The following CD2AP variants were observed in gnomAD, a reference collection of about 807,000 sequenced individuals.
The protein encoded by CD2AP is CD2-associated protein.
A neutral mutation model predicts 85.1 loss-of-function variants in CD2AP; 46 were observed. The observed-to-expected ratio is 0.54, with a 90% confidence interval of 0.43 to 0.69. The LOEUF is 0.69. CD2AP is among the 30% of genes least tolerant of loss of function. CD2AP has a pLI of 0.00. For missense variants in CD2AP, 769 were observed against 729.5 expected, an observed-to-expected ratio of 1.05 and a Z score of -0.62; for synonymous variants, 255 against 252.9, an observed-to-expected ratio of 1.01 and a Z score of -0.08.
intron 5 of CD2AP, among the ~76,000 whole-genome samples, chr6:47,561,987 T>C (rs779677962): frequency 1.5e-4 from 23 of 152,138 alleles, no homozygotes; most frequent in Admixed American, 1.5e-3. Flanking sequence ...GCCAAGATGG[T>C]CTCAATGACC....
chr6:47,486,928 A>C (rs570498061), intron 1 of CD2AP, among the ~76,000 whole-genome samples: 1 of 152,148 alleles, frequency 6.6e-6, no homozygotes, highest in Non-Finnish European at 1.5e-5. Flanking sequence ...TGGTCTTTTA[A>C]ATGTATATAC....
rs142313825 is a variant in CD2AP at position 47,572,813 on chromosome 6, A to G, written c.542-1251A>G. 4.2e-3 allele frequency among the ~76,000 whole-genome samples: 633 copies of G among 152,336 alleles called. 2 individuals carry two copies. The highest frequency in any genetic ancestry group is 0.014 in the African/African-American group (578 of 41,578). Reference sequence around the variant, plus strand: ...TGTTAAGAAGCTCATGTGGGCTTATAAAAATGAGATAATTCATATGCGGTG... The same window carrying G: ...TGTTAAGAAGCTCATGTGGGCTTATGAAAATGAGATAATTCATATGCGGTG... On this transcript the variant is annotated intron_variant, in intron 5 of 17. Coordinates refer to ENST00000359314, the MANE Select transcript of CD2AP (RefSeq NM_012120.3).
At chr6:47,528,031 GT>G (rs1409195824) in intron 2 of CD2AP, among the ~76,000 whole-genome samples, 3 of 152,138 alleles carry the variant, frequency 2.0e-5, no homozygotes, top group Non-Finnish European at 4.4e-5. Context: ...TGTAAAATTG[GT>G]TTGTTTTATT....
chr6:47,582,780 GT>G (rs372960999), intron 11 of CD2AP, among the ~76,000 whole-genome samples: 1 of 136,786 alleles, frequency 7.3e-6, no homozygotes, highest in Admixed American at 7.5e-5. Flanking sequence ...TGTTTTTTTT[GT>G]TTTTTTTTGT....
chr6:47,504,228 T>C (rs565881681), intron 2 of CD2AP, among the ~76,000 whole-genome samples: 2 of 152,380 alleles, frequency 1.3e-5, no homozygotes, highest in East Asian at 3.9e-4. Context: ...TACATCCAGC[T>C]TCATTCCCTG....
chr6:47,505,011 C>CTTTTTTTTTTTTTTTTTTTTT (rs58060161), intron 2 of CD2AP, among the ~76,000 whole-genome samples: 126 of 95,074 alleles, frequency 1.3e-3, no homozygotes, highest in East Asian at 2.1e-3. Flanking sequence ...GTGGCAGTTT[C>CTTTTTTTTTTTTTTTTTTTTT]TTTTTTTTTT....
At chr6:47,610,727 GT>G (rs1769405479) in intron 16 of CD2AP, among the ~76,000 whole-genome samples, 1 of 151,418 alleles carries the variant, frequency 6.6e-6, no homozygotes, top group Admixed American at 6.6e-5. Context: ...CAGTTTATCT[GT>G]TTTGAAAGAT....
Position 47,525,520 on chromosome 6 carries a change from TC to T in CD2AP, c.166-8081del, listed in dbSNP as rs759192742. On this transcript the variant is annotated intron_variant, in intron 2 of 17. Coordinates refer to ENST00000359314, the MANE Select transcript of CD2AP (RefSeq NM_012120.3). ...TCTATGGAATACAAGTAAATTGCTT[TC>T]TATTTTCAAATCATGATAATGGCCA... Among the ~76,000 whole-genome samples, 289 of 152,284 alleles carry T rather than the reference TC, an allele frequency of 1.9e-3. 1 individual carries two copies. Among genetic ancestry groups the T allele is most frequent in the Non-Finnish European group, 3.3e-3 (223 of 67,984 alleles).
chr6:47,585,330 T>C lies in CD2AP; in HGVS notation c.1108+3265T>C, dbSNP rs183949430. Among the ~76,000 whole-genome samples the C allele has an allele frequency of 2.6e-5, 4 of 151,674 alleles. No individual in the cohort carries two copies. The East Asian group carries it at 7.8e-4, about 29-fold the overall frequency. On this transcript the variant is annotated intron_variant, in intron 11 of 17. Coordinates refer to ENST00000359314, the MANE Select transcript of CD2AP (RefSeq NM_012120.3). ...AAAAAAAAAAAGGAAGGTGATGCAT[T>C]TTTGTTACTTTTATCTATGCAAAAT... is the stretch of plus-strand genomic sequence containing the variant.
At chr6:47,613,667 G>C (rs113967660) in intron 17 of CD2AP, among the ~76,000 whole-genome samples, 1,997 of 152,246 alleles carry the variant, frequency 0.013, 20 homozygotes, top group Non-Finnish European at 0.021. Flanking sequence ...AGGATTTTCA[G>C]AATGATAAAT....
chr6:47,505,235 C>G (rs549874723), intron 2 of CD2AP, among the ~76,000 whole-genome samples: 4 of 146,170 alleles, frequency 2.7e-5, no homozygotes, highest in Non-Finnish European at 6.0e-5. Context: ...TGACTCTTAA[C>G]GAGCATGCTG....
intron 3 of CD2AP, among the ~76,000 whole-genome samples, chr6:47,537,862 G>T (rs1767095715): frequency 6.6e-6 from 1 of 151,440 alleles, no homozygotes; most frequent in Non-Finnish European, 1.5e-5. Flanking sequence ...GCTCACTGCA[G>T]CCTCAGCCTC....
chr6:47,511,008 G>A (rs959174602), intron 2 of CD2AP, among the ~76,000 whole-genome samples: 2 of 148,306 alleles, frequency 1.3e-5, no homozygotes, highest in Non-Finnish European at 3.0e-5. Flanking sequence ...GGGAGGTAGA[G>A]GTTGCAATGA....
intron 10 of CD2AP, 92 bp from the exon 11 acceptor site, chr6:47,581,911 A>AT: frequency 1.2e-6 from 1 of 840,226 alleles, no homozygotes; most frequent in Non-Finnish European, 2.1e-6. Flanking sequence ...ATCTGATGTT[A>AT]TTTTTCAACT....
intron 11 of CD2AP, among the ~76,000 whole-genome samples, chr6:47,587,668 G>C (rs1404184166): frequency 6.6e-6 from 1 of 152,114 alleles, no homozygotes; most frequent in Non-Finnish European, 1.5e-5. Flanking sequence ...TGAAATTCAT[G>C]ATACAAAGGG....
chr6:47,504,474 AT>A (rs781652294), intron 2 of CD2AP, among the ~76,000 whole-genome samples: 1 of 152,222 alleles, frequency 6.6e-6, no homozygotes, highest in Non-Finnish European at 1.5e-5. Flanking sequence ...AGATGCTCAG[AT>A]CTGTTATATA....
intron 17 of CD2AP, among the ~76,000 whole-genome samples, chr6:47,623,339 A>G (rs1034628613): frequency 6.6e-6 from 1 of 152,204 alleles, no homozygotes; most frequent in African/African-American, 2.4e-5. Context: ...GGCAAGGCCT[A>G]TATATTTCCT....
intron 1 of CD2AP, among the ~76,000 whole-genome samples, chr6:47,487,744 T>C (rs1765601451): frequency 6.6e-6 from 1 of 152,132 alleles, no homozygotes; most frequent in Non-Finnish European, 1.5e-5. Context: ...ATTCTCTTAG[T>C]GTGTAAATGA....
At chr6:47,543,173 G>A (rs74505118) in intron 3 of CD2AP, among the ~76,000 whole-genome samples, 1,758 of 86,874 alleles carry the variant, frequency 0.02, no homozygotes, top group Non-Finnish European at 0.032. Flanking sequence ...AAAAAAAAAA[G>A]AAAAAGAAAA....
Sources: gnomAD v4.1 joint callset for allele counts (sites outside exome capture counted in the v4.1 genomes callset) on GRCh38, gnomAD v4.1.1 for gene constraint, MANE v1.5 for transcripts, NCBI Gene and HGNC (gene_info 2026-07-23, HGNC 2026-07-21) for gene names.